RALGAPA1: variants seen among roughly 807,000 people sequenced by gnomAD.
RALGAPA1 encodes the protein Ral GTPase activating protein catalytic subunit alpha 1, also known as ral GTPase-activating protein subunit alpha-1.
In RALGAPA1, 52 loss-of-function variants were observed where a neutral mutation model predicts 269.6. The observed-to-expected ratio is 0.19, with a 90% CI of 0.15 to 0.24. The LOEUF (loss-of-function observed/expected upper bound fraction) is 0.24, where lower values mean the gene tolerates loss of function less well. Among genes scored for constraint, RALGAPA1 ranks in the 10% least tolerant of loss-of-function variants. The pLI is 1.00. For synonymous variants in RALGAPA1, 817 were observed against 1,008.3 expected (o/e 0.81, Z 3.60); for missense variants, 1,917 against 3,013.9 (o/e 0.64, Z 8.52).
At chr14:35,764,079 A>T in intron 4 of RALGAPA1, among the ~76,000 whole-genome samples, 1 of 147,760 alleles carries the variant, frequency 6.8e-6, no homozygotes, top group African/African-American at 2.6e-5. Context: ...ACAATTTTCA[A>T]TTTAGTTGTT....
intron 12 of RALGAPA1, among the ~76,000 whole-genome samples, chr14:35,736,394 AAAATCTGAAGCTG>A (rs908484588): frequency 3.9e-5 from 6 of 152,224 alleles, no homozygotes; most frequent in Admixed American, 3.9e-4. Flanking sequence ...ACTACATATA[AAAATCTGAAGCTG>A]TAGCATACAG....
chr14:35,554,808 A>T (rs571481548), intron 39 of RALGAPA1, among the ~76,000 whole-genome samples: 2 of 152,306 alleles, frequency 1.3e-5, no homozygotes, highest in South Asian at 4.1e-4. Context: ...TAGTGGTGAG[A>T]CCAACGCCAT....
chr14:35,676,641 C>T (rs2064978550), intron 22 of RALGAPA1: 1 of 152,138 alleles, frequency 6.6e-6, no homozygotes, highest in South Asian at 2.1e-4. Flanking sequence ...ATGAATATGG[C>T]CATTATATTG....
chr14:35,790,210 A>ATGTG (rs2076057279), intron 1 of RALGAPA1, among the ~76,000 whole-genome samples: 1 of 151,992 alleles, frequency 6.6e-6, no homozygotes. Flanking sequence ...CCGAGATCTC[A>ATGTG]CCACTGCACT....
rs140299897 is a variant in RALGAPA1, at chr14:35,779,859, C to T, written c.107-4114G>A. On this transcript the variant is annotated intron_variant, in intron 1 of 41. Transcript: ENST00000680220. ...CAAAATTAGGCTGGGCGCAGTGGCT[C>T]ACGCCTATAATCCCAGCACTTTGGG... Among the ~76,000 whole-genome samples, 295 of 152,264 alleles carry T rather than the reference C, an allele frequency of 1.9e-3. 1 individual carries two copies. Among genetic ancestry groups the T allele is most frequent in the African/African-American group, 6.8e-3 (281 of 41,548 alleles).
intron 32 of RALGAPA1, 97 bp downstream of exon 32, chr14:35,635,367 G>A: frequency 7.6e-7 from 1 of 1,312,594 alleles, no homozygotes; most frequent in Non-Finnish European, 1.0e-6. Flanking sequence ...AAATTTTCTA[G>A]CTCTAAAAGA....
At chr14:35,733,977 C>T (rs1328888087) in intron 12 of RALGAPA1, among the ~76,000 whole-genome samples, 1 of 151,028 alleles carries the variant, frequency 6.6e-6, no homozygotes, top group Non-Finnish European at 1.5e-5. Flanking sequence ...AAATAAAATA[C>T]TTAGGAATAT....
At chr14:35,725,250 A>G (rs1481607624) in intron 13 of RALGAPA1, 97 bp from the exon 14 acceptor site, 2 of 783,716 alleles carry the variant, frequency 2.6e-6, no homozygotes, top group African/African-American at 1.8e-5. Flanking sequence ...AAAAATTCAA[A>G]TATTAAACAT....
chr14:35,727,339 ATATATATAGTATAATAC>A (rs1456689429), intron 13 of RALGAPA1, among the ~76,000 whole-genome samples: 2 of 144,300 alleles, frequency 1.4e-5, no homozygotes, highest in African/African-American at 5.0e-5. Context: ...ATATATATAT[ATATATATAGTATAATAC>A]TATATAACTG....
At position 35,723,163 on chromosome 14, in the gene RALGAPA1, T is replaced by C. The variant is rs1260048091; in HGVS notation, c.1968A>G (p.Glu656=). The change falls in exon 15 of 42, where the codon GAA becomes GAG. Residue 656 remains glutamate (E), a synonymous_variant. Transcript: ENST00000680220. ...TCAGTGACCACTCAGTGGCCAACTCTTCCCAATAGGTCAGCGATGACAATA... is the reference window on the plus strand; with the variant it reads ...TCAGTGACCACTCAGTGGCCAACTCCTCCCAATAGGTCAGCGATGACAATA... The part of the protein sequence containing the change: ...LSVLSSLTYW[E]ELATEWSLTM... 6.2e-6 allele frequency: 10 copies of C among 1,613,298 alleles called. No homozygotes were observed. In the African/African-American group the frequency reaches 8.0e-5, roughly 13 times the overall value.
intron 1 of RALGAPA1, among the ~76,000 whole-genome samples, chr14:35,790,176 C>G (rs913742341): frequency 1.3e-5 from 2 of 151,902 alleles, no homozygotes; most frequent in African/African-American, 4.8e-5. Context: ...TAGCTTGAAC[C>G]CTGGAGGCAG....
chr14:35,738,365 G>A (rs1441041435), intron 12 of RALGAPA1, 148 bp downstream of exon 12: 1 of 414,228 alleles, frequency 2.4e-6, no homozygotes, highest in Non-Finnish European at 4.1e-6. Context: ...TATATATTAA[G>A]TGATGAAAGG....
intron 41 of RALGAPA1, among the ~76,000 whole-genome samples, chr14:35,547,820 A>AT (rs1214538978): frequency 6.6e-6 from 1 of 152,040 alleles, no homozygotes; most frequent in Admixed American, 6.6e-5. Flanking sequence ...AGCGATCTAA[A>AT]TTTTTTGTAA....
At chr14:35,771,192 G>C (rs576204137) in intron 3 of RALGAPA1, among the ~76,000 whole-genome samples, 193 bp from the exon 4 acceptor site, 85 of 151,962 alleles carry the variant, frequency 5.6e-4, no homozygotes, top group Non-Finnish European at 1.0e-3. Flanking sequence ...TCAGGAGTTC[G>C]AGACCAGCCT....
chr14:35,745,150 G>C (rs2071929687), intron 10 of RALGAPA1, among the ~76,000 whole-genome samples: 1 of 152,100 alleles, frequency 6.6e-6, no homozygotes, highest in Admixed American at 6.6e-5. Flanking sequence ...TATAAAACCA[G>C]AGTGATAATT....
In RALGAPA1 at chr14:35,613,374, G is replaced by A. The variant is rs534975241; in HGVS notation, c.6930-7665C>T. On this transcript the variant is annotated intron_variant, in intron 35 of 41. Coordinates refer to ENST00000680220, the MANE Select transcript of RALGAPA1 (RefSeq NM_001346249.2). ...TGGGATTACAGGTGTGAGCCTCCAC[G>A]CCCAGTCACATAACCCAATTTAAAA... Among the ~76,000 whole-genome samples, 7 of 152,192 alleles carry A rather than the reference G, an allele frequency of 4.6e-5. No individual in the cohort carries two copies. The East Asian group carries it at 9.7e-4, about 21-fold the overall frequency.
intron 14 of RALGAPA1, among the ~76,000 whole-genome samples, chr14:35,724,466 G>C (rs2069709698): frequency 6.6e-6 from 1 of 151,570 alleles, no homozygotes; most frequent in Non-Finnish European, 1.5e-5. Context: ...TACATTTAAA[G>C]TCAGCACTCT....
intron 27 of RALGAPA1, among the ~76,000 whole-genome samples, chr14:35,660,624 T>C (rs1403191642): frequency 6.6e-6 from 1 of 152,072 alleles, no homozygotes; most frequent in African/African-American, 2.4e-5. Context: ...GAAATTAGCA[T>C]GTCAAAGAGA....
intron 30 of RALGAPA1, among the ~76,000 whole-genome samples, chr14:35,653,813 C>A: frequency 6.6e-6 from 1 of 151,278 alleles, no homozygotes; most frequent in East Asian, 1.9e-4. Context: ...CAGGAGACAC[C>A]GAATTAGAAT....
Sources: allele counts gnomAD v4.1 joint callset (sites outside exome capture counted in the v4.1 genomes callset), GRCh38; gene constraint gnomAD v4.1.1; transcripts MANE v1.5; gene names NCBI Gene and HGNC (gene_info 2026-07-23, HGNC 2026-07-21).